The following COQ7 variants were observed in gnomAD, a reference collection of about 807,000 sequenced individuals.
The protein encoded by COQ7 is coenzyme Q7, hydroxylase.
Under a neutral mutation model 25.0 loss-of-function variants are expected in COQ7, and 21 were observed. The observed-to-expected ratio is 0.84, with a 90% confidence interval of 0.60 to 1.21. COQ7 has a LOEUF of 1.21. Among genes scored for constraint, COQ7 ranks in the 50% most tolerant of loss-of-function variants. The pLI, the probability that COQ7 is intolerant of heterozygous loss-of-function variation, is 0.00. For missense variants in COQ7, 311 were observed against 296.2 expected (o/e 1.05, Z -0.37); for synonymous variants, 125 against 112.4 (o/e 1.11, Z -0.71).
chr16:19,074,348 A>AC (rs931071857), intron 3 of COQ7, among the ~76,000 whole-genome samples: 2 of 151,442 alleles, frequency 1.3e-5, no homozygotes, highest in Non-Finnish European at 2.9e-5. Flanking sequence ...ACATGGTGAA[A>AC]CCCCCGACTC....
intron 1 of COQ7, among the ~76,000 whole-genome samples, chr16:19,069,089 A>C (rs1221119538): frequency 6.6e-6 from 1 of 152,210 alleles, no homozygotes; most frequent in Non-Finnish European, 1.5e-5. Flanking sequence ...CTGCATATCC[A>C]TAAGCCACTT....
intron 4 of COQ7, 74 bp downstream of exon 4, chr16:19,075,934 A>G: frequency 1.9e-6 from 3 of 1,590,388 alleles, no homozygotes; most frequent in Non-Finnish European, 8.6e-7. Context: ...AGAGGAAAAC[A>G]TGTTAGAGAT....
In COQ7 at chr16:19,074,296, C is replaced by A. The variant is rs563100485; in HGVS notation, c.367+261C>A. Among the ~76,000 whole-genome samples the A allele has an allele frequency of 1.8e-3, 273 of 151,890 alleles. 2 individuals are homozygous for A. The highest frequency in any genetic ancestry group is 3.3e-3 in the Non-Finnish European group (225 of 67,966). ...ATCCCAGCACTTTGGGAGGCCGAGG[C>A]GGGCAGATCATGAGGTCAGGAGTTC... On this transcript the variant is annotated intron_variant, in intron 3 of 5. Transcript: ENST00000321998.
chr16:19,071,533 C>T (rs1962557389), intron 1 of COQ7, among the ~76,000 whole-genome samples: 1 of 152,196 alleles, frequency 6.6e-6, no homozygotes, highest in Admixed American at 6.5e-5. Context: ...TTCAGAGAGC[C>T]CCCTCCCAGA....
rs769917643 is a variant in COQ7 at position 19,075,774 on chromosome 16, G to A, written c.421G>A (p.Val141Met). Residue 141 changes from valine to methionine, a missense_variant, in exon 4 of 6, where the codon GTG (valine) becomes ATG (methionine). Val to Met is a conservative substitution (Grantham distance 21, BLOSUM62 1). Coordinates refer to ENST00000321998, the MANE Select transcript of COQ7 (RefSeq NM_016138.5). Reference sequence around the variant, plus strand: ...AGGTGCCATGGCCTGCACCGTGGCGGTGGAAGAGAGCATAGCACATCACTA... The same window carrying A: ...AGGTGCCATGGCCTGCACCGTGGCGATGGAAGAGAGCATAGCACATCACTA... The part of the protein sequence containing the change: ...KEGAMACTVA[V>M]EESIAHHYNN... 3.7e-6 allele frequency: 6 copies of A among 1,611,264 alleles called. No individual in the cohort carries two copies. In the East Asian group the frequency reaches 8.9e-5, roughly 24 times the overall value.
At position 19,077,357 on chromosome 16, in the gene COQ7, G is replaced by A. The variant is rs776482866; in HGVS notation, c.559G>A (p.Asp187Asn). Reference protein sequence around the residue: ...EELEHHDIGLDHDAELAPAYA... With the variant: ...EELEHHDIGLNHDAELAPAYA... Reference sequence around the variant, plus strand: ...GCTTGAGCACCATGACATAGGCCTCGACCATGATGCAGAATTGGTAGGGCC... The same window carrying A: ...GCTTGAGCACCATGACATAGGCCTCAACCATGATGCAGAATTGGTAGGGCC... The change falls in exon 5 of 6, where the codon GAC (aspartate) becomes AAC (asparagine). Residue 187 changes from aspartate to asparagine, a missense_variant. Transcript: ENST00000321998. 9.3e-6 allele frequency: 15 copies of A among 1,613,888 alleles called. No individual in the cohort carries two copies. Among genetic ancestry groups the A allele is most frequent in the East Asian group, 8.9e-5 (4 of 44,888 alleles).
intron 1 of COQ7, chr16:19,068,751 A>G (rs1962384875): frequency 6.0e-5 from 21 of 350,274 alleles, no homozygotes; most frequent in South Asian, 4.5e-4. Context: ...TAATGGCAGT[A>G]CTGCTTGAAC....
chr16:19,067,678 G>A lies in COQ7; in HGVS notation c.14G>A (p.Gly5Glu). The stretch of plus-strand genomic sequence containing the variant: ...TTAGTTCCGGCAATGAGTTGCGCCG[G>A]GGCGGCGGCGGCTCCCCGCCTTTGG... MSCA[G>E]AAAAPRLWRL... The change falls in exon 1 of 6, where the codon GGG becomes GAG. Residue 5 changes from glycine to glutamate, a missense_variant. Transcript: ENST00000321998. 4 of 1,611,256 alleles carry A rather than the reference G, an allele frequency of 2.5e-6. No individual in the cohort carries two copies. Among genetic ancestry groups the A allele is most frequent in the Non-Finnish European group, 3.4e-6 (4 of 1,178,728 alleles).
intron 4 of COQ7, 86 bp downstream of exon 4, chr16:19,075,946 G>A (rs1962816750): frequency 6.4e-7 from 1 of 1,562,152 alleles, no homozygotes; most frequent in African/African-American, 1.4e-5. Flanking sequence ...GTTAGAGATT[G>A]TTAGGGGATG....
intron 1 of COQ7, among the ~76,000 whole-genome samples, chr16:19,071,071 G>A (rs1232697672): frequency 6.6e-6 from 1 of 152,186 alleles, no homozygotes; most frequent in Non-Finnish European, 1.5e-5. Context: ...TAGGCTCCAA[G>A]GCTAGTCTCA....
At chr16:19,074,902 T>G (rs1962754687) in intron 3 of COQ7, among the ~76,000 whole-genome samples, 1 of 152,126 alleles carries the variant, frequency 6.6e-6, no homozygotes, top group African/African-American at 2.4e-5. Flanking sequence ...GAAAAAAAGC[T>G]AGTAGAATTC....
chr16:19,073,316 C>CAAAAA (rs60264999), intron 2 of COQ7, among the ~76,000 whole-genome samples: 1 of 146,914 alleles, frequency 6.8e-6, no homozygotes, highest in Admixed American at 6.7e-5. Flanking sequence ...CTCAAAAAAA[C>CAAAAA]AAAAAAAACC....
At chr16:19,080,877 C>T (rs1963086231), downstream of COQ7, among the ~76,000 whole-genome samples, 1 of 151,976 alleles carries the variant, frequency 6.6e-6, no homozygotes, top group Non-Finnish European at 1.5e-5. Flanking sequence ...TTGTTTTGAT[C>T]CTCTTCAAAA....
At chr16:19,082,105 G>A (rs144229576), downstream of COQ7, among the ~76,000 whole-genome samples, 3 of 152,176 alleles carry the variant, frequency 2.0e-5, no homozygotes, top group Non-Finnish European at 4.4e-5. Context: ...AACAACTCAT[G>A]TCCATCAACT....
chr16:19,070,198 GT>G (rs1962483880), intron 1 of COQ7, among the ~76,000 whole-genome samples: 1 of 152,176 alleles, frequency 6.6e-6, no homozygotes, highest in Admixed American at 6.6e-5. Context: ...TTTGTTAAAA[GT>G]GTGACATTTA....
chr16:19,074,479 T>G (rs967405644), intron 3 of COQ7, among the ~76,000 whole-genome samples: 1 of 151,510 alleles, frequency 6.6e-6, no homozygotes, highest in Non-Finnish European at 1.5e-5. Context: ...GAGCCAAGAT[T>G]GGCCCACTGC....
At chr16:19,073,522 T>G (rs1167959425) in intron 2 of COQ7, among the ~76,000 whole-genome samples, 1 of 152,088 alleles carries the variant, frequency 6.6e-6, no homozygotes, top group African/African-American at 2.4e-5. Context: ...AACAACAAGA[T>G]GATGCTATTC....
rs373195036 is a variant in COQ7 at position 19,078,129 on chromosome 16, G to C, written c.625G>C (p.Val209Leu). 6.2e-7 allele frequency: 1 copy of C among 1,611,944 alleles called. No homozygotes were observed. The highest frequency in any genetic ancestry group is 8.5e-7 in the Non-Finnish European group (1 of 1,179,078). ...GAGCATTATCCAGGCCGGATGCAGA[G>C]TGGCGATATATTTATCAGAAAGATT... ...LKSIIQAGCR[V>L]AIYLSERL The change falls in exon 6 of 6, where the codon GTG becomes CTG. Residue 209 changes from valine to leucine, a missense_variant. Val to Leu is a conservative substitution (Grantham distance 32, BLOSUM62 1). Transcript: ENST00000321998.
chr16:19,072,218 C>A (rs970357276), intron 2 of COQ7, 112 bp downstream of exon 2: 4 of 1,333,702 alleles, frequency 3.0e-6, no homozygotes, highest in Non-Finnish European at 4.1e-6. Flanking sequence ...GCCATTGTCT[C>A]CAGGAGAGCG....
Sources: gnomAD v4.1 joint callset for allele counts (sites outside exome capture counted in the v4.1 genomes callset) on GRCh38, gnomAD v4.1.1 for gene constraint, MANE v1.5 for transcripts, NCBI Gene and HGNC (gene_info 2026-07-23, HGNC 2026-07-21) for gene names.